Variants in HLX observed in about 807,000 individuals in gnomAD.
HLX encodes H2.0 like homeobox.
A neutral mutation model predicts 27.7 loss-of-function variants in HLX; 6 were observed. That is an observed-to-expected ratio of 0.22 (90% CI 0.12 to 0.43). The LOEUF is 0.43. HLX is among the 20% of genes least tolerant of loss of function. HLX has a pLI of 1.00. For missense variants in HLX, 666 were observed against 655.2 expected, an observed-to-expected ratio of 1.02 and a Z score of -0.18; for synonymous variants, 328 against 293.8, an observed-to-expected ratio of 1.12 and a Z score of -1.19.
chr1:220,882,569 A>T (rs1674480429), intron 3 of HLX: 2 of 570,588 alleles, frequency 3.5e-6, no homozygotes, highest in Admixed American at 3.0e-5. Flanking sequence ...CATCCCCAAG[A>T]TGTGTGTCAA....
In HLX at chr1:220,879,918, T is replaced by C; in HGVS notation, c.61T>C (p.Tyr21His). 6.3e-7 allele frequency: 1 copy of C among 1,596,838 alleles called. No individual in the cohort carries two copies. The highest frequency in any genetic ancestry group is 8.5e-7 in the Non-Finnish European group (1 of 1,177,518). The change falls in exon 1 of 4, where the codon TAC becomes CAC. Residue 21 changes from tyrosine to histidine, a missense_variant. Transcript: ENST00000366903. ...ASNFSLWSAA[Y>H]CSSAGPGGCS... ...CAACTTCAGCCTCTGGTCGGCCGCTTACTGCTCCTCGGCCGGCCCAGGCGG... is the reference window on the plus strand; with the variant it reads ...CAACTTCAGCCTCTGGTCGGCCGCTCACTGCTCCTCGGCCGGCCCAGGCGG...
intron 2 of HLX, 78 bp downstream of exon 2, chr1:220,881,451 G>GTA: frequency 8.2e-7 from 1 of 1,223,048 alleles, no homozygotes; most frequent in Non-Finnish European, 1.2e-6. Flanking sequence ...CGCCTCCAGG[G>GTA]CTGCCACGGT....
rs1405528531 is a variant in HLX, at chr1:220,879,819, C to T, written c.-39C>T. 13 of 1,535,514 alleles carry T rather than the reference C, an allele frequency of 8.5e-6. No individual in the cohort carries two copies. Among genetic ancestry groups the T allele is most frequent in the Non-Finnish European group, 1.1e-5 (13 of 1,147,926 alleles). On this transcript the variant is annotated 5_prime_UTR_variant, in exon 1 of 4. Coordinates refer to ENST00000366903, the MANE Select transcript of HLX (RefSeq NM_021958.4). ...TCCCCGCGCGCCCACCCACCCAGTC[C>T]GGCTGGACTGCGGCAGCCGCGCGGC...
Position 220,879,813 on chromosome 1 carries a change from C to A in HLX, c.-45C>A. 1 of 1,529,490 alleles carries A rather than the reference C, an allele frequency of 6.5e-7. No individual in the cohort carries two copies. The highest frequency in any genetic ancestry group is 1.2e-5 in the South Asian group (1 of 83,512). The allele number at this position is 1,529,490 out of a possible 1,614,324, so 94.7% of individuals were successfully genotyped here. On this transcript the variant is annotated 5_prime_UTR_variant, in exon 1 of 4. Coordinates refer to ENST00000366903, the MANE Select transcript of HLX (RefSeq NM_021958.4). ...CGCCCCTCCCCGCGCGCCCACCCAC[C>A]CAGTCCGGCTGGACTGCGGCAGCCG...
intron 3 of HLX, 80 bp downstream of exon 3, chr1:220,882,428 C>T: frequency 2.2e-6 from 3 of 1,351,078 alleles, no homozygotes; most frequent in Non-Finnish European, 3.1e-6. Context: ...TCCCCTCCAT[C>T]CCGGCCGACT....
Position 220,880,013 on chromosome 1 carries a change from C to G in HLX, c.156C>G (p.Ala52=). The G allele has an allele frequency of 2.5e-6, 4 of 1,595,126 alleles. No individual in the cohort carries two copies. Among genetic ancestry groups the G allele is most frequent in the Non-Finnish European group, 3.4e-6 (4 of 1,177,142 alleles). ...PSFCIADILH[A]GVGDLGAAPE... is the part of the protein sequence containing the mutation. Reference sequence around the variant, plus strand: ...TCTGCATCGCAGACATTCTGCACGCCGGCGTGGGGGATCTGGGGGCGGCCC... The same window carrying G: ...TCTGCATCGCAGACATTCTGCACGCGGGCGTGGGGGATCTGGGGGCGGCCC... The change falls in exon 1 of 4, where the codon GCC becomes GCG. Residue 52 remains alanine, a synonymous_variant. Transcript: ENST00000366903.
At chr1:220,880,552 A>T (rs1290837671) in intron 1 of HLX, 103 bp downstream of exon 1, 8 of 1,255,662 alleles carry the variant, frequency 6.4e-6, no homozygotes, top group Non-Finnish European at 7.0e-6. Context: ...TTAAGGACAA[A>T]TCGGTAAAAC....
At chr1:220,883,935 T>C in intron 3 of HLX, 1 of 543,790 alleles carries the variant, frequency 1.8e-6, no homozygotes, top group Non-Finnish European at 3.3e-6. Flanking sequence ...CTCAGGTCAT[T>C]TTAGTCCTGG....
rs1227859845 is a variant in HLX, at chr1:220,882,419, C to A, written c.957+71C>A. The stretch of plus-strand genomic sequence containing the variant: ...CAGCGCACGGCCTAGTCTGGTAGGT[C>A]CCCTCCATCCCGGCCGACTGGCCTC... On this transcript the variant is annotated intron_variant, in intron 3 of 3. Transcript: ENST00000366903. 7.0e-6 allele frequency: 10 copies of A among 1,425,990 alleles called. No individual in the cohort carries two copies. In the Admixed American group the frequency reaches 1.8e-4, roughly 26 times the overall value. The allele number at this position is 1,425,990 out of a possible 1,614,324, so 88.3% of individuals were successfully genotyped here. A position where few individuals can be genotyped will look rare whatever the true frequency, so the allele number is the denominator to read the frequency against.
In HLX at chr1:220,884,386, C is replaced by A. The variant is rs1304609319; in HGVS notation, c.1149C>A (p.Ser383=). The part of the protein sequence containing the change: ...EAESESSDSE[S]LDMAPSDTER... ...AGAGCGAGAGCAGCGACTCCGAGTCCCTGGACATGGCCCCCAGCGACACGG... is the reference window on the plus strand; with the variant it reads ...AGAGCGAGAGCAGCGACTCCGAGTCACTGGACATGGCCCCCAGCGACACGG... The change falls in exon 4 of 4, where the codon TCC becomes TCA. Residue 383 remains serine, a synonymous_variant. Coordinates refer to ENST00000366903, the MANE Select transcript of HLX (RefSeq NM_021958.4). This position sits in a 1 kb window ranked among gnomAD's most constrained non-coding sequence, Gnocchi z 4.9. 1 of 1,614,118 alleles carries A rather than the reference C, an allele frequency of 6.2e-7. No homozygotes were observed. The highest frequency in any genetic ancestry group is 2.2e-5 in the East Asian group (1 of 44,880).
Position 220,884,118 on chromosome 1 carries a change from T to C in HLX, c.958-77T>C, listed in dbSNP as rs1674516027. 2.8e-6 allele frequency: 4 copies of C among 1,443,734 alleles called. No individual in the cohort carries two copies. The highest frequency in any genetic ancestry group is 3.9e-6 in the Non-Finnish European group (4 of 1,030,510). The allele number at this position is 1,443,734 out of a possible 1,614,324, so 89.4% of individuals were successfully genotyped here. ...TTCACTCAGGGAGGTGGCTTGAGGGTGCACGCGAGTCGGATAGGAGCAAAC... is the reference window on the plus strand; with the variant it reads ...TTCACTCAGGGAGGTGGCTTGAGGGCGCACGCGAGTCGGATAGGAGCAAAC... On this transcript the variant is annotated intron_variant, in intron 3 of 3. Coordinates refer to ENST00000366903, the MANE Select transcript of HLX (RefSeq NM_021958.4). This position sits in a 1 kb window ranked among gnomAD's most constrained non-coding sequence, Gnocchi z 4.9.
chr1:220,882,573 G>A (rs1181508270), intron 3 of HLX: 1 of 568,696 alleles, frequency 1.8e-6, no homozygotes. Flanking sequence ...CCCAAGATGT[G>A]TGTCAACAAG....
At chr1:220,881,070 C>T (rs1674424684) in intron 1 of HLX, 124 bp from the exon 2 acceptor site, 1 of 875,916 alleles carries the variant, frequency 1.1e-6, no homozygotes, top group Non-Finnish European at 1.8e-6. Flanking sequence ...AGCGCCTAGA[C>T]GGGTTCTCTC....
At chr1:220,880,913 T>C (rs1674420073) in intron 1 of HLX, 1 of 458,354 alleles carries the variant, frequency 2.2e-6, no homozygotes, top group Non-Finnish European at 3.9e-6. Flanking sequence ...TTTGCGTCTG[T>C]GGCGTTCTTG....
At chr1:220,882,091 G>A in intron 2 of HLX, 73 bp from the exon 3 acceptor site, 1 of 1,427,160 alleles carries the variant, frequency 7.0e-7, no homozygotes, top group Non-Finnish European at 9.9e-7. Flanking sequence ...GGGACCCCCA[G>A]GCTGGCAGGT....
intron 3 of HLX, chr1:220,883,377 A>C (rs1029733115): frequency 3.3e-5 from 5 of 152,958 alleles, no homozygotes; most frequent in Admixed American, 2.6e-4. Context: ...TTATTTTTAA[A>C]AGGGAAGCTG....
At chr1:220,880,664 A>G (rs2102641562) in intron 1 of HLX, 1 of 605,526 alleles carries the variant, frequency 1.7e-6, no homozygotes, top group South Asian at 2.0e-5. Context: ...GGATTCTTTA[A>G]AAACACGTCT....
In HLX at chr1:220,881,271, T is replaced by C; in HGVS notation, c.670T>C (p.Phe224Leu). The C allele has an allele frequency of 6.2e-7, 1 of 1,614,198 alleles. No individual in the cohort carries two copies. Among genetic ancestry groups the C allele is most frequent in the Non-Finnish European group, 8.5e-7 (1 of 1,179,992 alleles). The part of the protein sequence containing the change: ...SGLQPSAGQF[F>L]ASLDPINEAS... The stretch of plus-strand genomic sequence containing the variant: ...CCTGCAGCCCTCGGCCGGCCAGTTC[T>C]TCGCATCTCTAGATCCCATTAACGA... The change falls in exon 2 of 4, where the codon TTC (phenylalanine) becomes CTC (leucine). Residue 224 changes from phenylalanine (F) to leucine (L), a missense_variant. Coordinates refer to ENST00000366903, the MANE Select transcript of HLX (RefSeq NM_021958.4).
chr1:220,879,661 C>G lies in HLX; in HGVS notation c.-197C>G. On this transcript the variant is annotated 5_prime_UTR_variant, in exon 1 of 4. Coordinates refer to ENST00000366903, the MANE Select transcript of HLX (RefSeq NM_021958.4). ...GCGAGGCCAGGGAGCGAGGCGGTGA[C>G]CGGCCGAGATCCGGCCCTCGCCTCC... The G allele has an allele frequency of 1.2e-6, 1 of 854,854 alleles. No individual in the cohort carries two copies. The highest frequency in any genetic ancestry group is 1.7e-6 in the Non-Finnish European group (1 of 600,060). The allele number at this position is 854,854 out of a possible 1,614,324, so 53.0% of individuals were successfully genotyped here.
Sources: allele counts gnomAD v4.1 joint callset, GRCh38; gene constraint gnomAD v4.1.1; non-coding constraint Gnocchi (gnomAD v3.1); transcripts MANE v1.5; gene names NCBI Gene and HGNC (gene_info 2026-07-23, HGNC 2026-07-21).